Variants in TPPP2 observed in about 807,000 individuals in gnomAD.
TPPP2 encodes tubulin polymerization promoting protein family member 2.
Under a neutral mutation model 13.0 loss-of-function variants are expected in TPPP2, and 8 were observed. That is an observed-to-expected ratio of 0.62 (90% CI 0.36 to 1.11). The LOEUF is 1.11. Ranked by LOEUF, TPPP2 falls within the 50% of genes most tolerant of loss-of-function variation. TPPP2 has a pLI of 0.02. For synonymous variants in TPPP2, 81 were observed against 81.8 expected, an observed-to-expected ratio of 0.99 and a Z score of 0.05; for missense variants, 213 against 216.9, an observed-to-expected ratio of 0.98 and a Z score of 0.11.
At chr14:21,033,155 G>T, downstream of TPPP2, 1 of 375,384 alleles carries the variant, frequency 2.7e-6, no homozygotes, top group South Asian at 2.0e-5. Flanking sequence ...AAAAAGGAAG[G>T]CAGGGTGACT....
chr14:21,026,307 T>A (rs1312139067), upstream of TPPP2, among the ~76,000 whole-genome samples: 4 of 122,952 alleles, frequency 3.3e-5, no homozygotes, highest in Non-Finnish European at 6.8e-5. Flanking sequence ...CCTGCCCCCC[T>A]TGTAGCTCCC....
chr14:21,030,897 G>A, intron 2 of TPPP2, 115 bp from the exon 3 acceptor site: 1 of 1,507,142 alleles, frequency 6.6e-7, no homozygotes. Context: ...TTGTCTTCGA[G>A]ACACTCACTG....
At chr14:21,024,843 G>T in intron 1 of TPPP2, 1 of 985,746 alleles carries the variant, frequency 1.0e-6, no homozygotes, top group Non-Finnish European at 1.2e-6. Context: ...ACAACCTCGC[G>T]CGCACCCCAA....
chr14:21,025,184 C>T lies in TPPP2; in HGVS notation n.236+840C>T. 2 of 891,430 alleles carry T rather than the reference C, an allele frequency of 2.2e-6. No homozygotes were observed. The highest frequency in any genetic ancestry group is 2.7e-6 in the Non-Finnish European group (2 of 743,952). 55.2% of individuals were successfully genotyped at this position (891,430 alleles called of 1,614,324 possible). A position where few individuals can be genotyped will look rare whatever the true frequency, so the allele number is the denominator to read the frequency against. Reference sequence around the variant, plus strand: ...CCCAGACCCCCAGTAAACACGCCCCCCCTTTCACCCCGCCCAGACTGCCGC... The same window carrying T: ...CCCAGACCCCCAGTAAACACGCCCCTCCTTTCACCCCGCCCAGACTGCCGC... On this transcript the variant is annotated intron_variant and non_coding_transcript_variant, in intron 1 of 1. Coordinates refer to the TPPP2 transcript ENST00000533755. The surrounding 1 kb of genome is among the most constrained non-coding windows in gnomAD (Gnocchi z 5.1).
upstream of TPPP2, among the ~76,000 whole-genome samples, chr14:21,026,104 G>T (rs1415829301): frequency 6.6e-6 from 1 of 152,030 alleles, no homozygotes; most frequent in African/African-American, 2.4e-5. Context: ...CGTCCCTCTC[G>T]GTGCCCGAGT....
chr14:21,030,641 C>A lies in TPPP2; in HGVS notation c.60C>A (p.Ser20Arg), dbSNP rs1338367895. 1.9e-6 allele frequency: 3 copies of A among 1,614,034 alleles called. No homozygotes were observed. The change falls in exon 2 of 4, where the codon AGC becomes AGA. Residue 20 changes from serine (S) to arginine (R), a missense_variant. Transcript: ENST00000321760. ...TTGCTGCGTTTGGAGAATCATCAAG[C>A]AGTGGCACTGAAATGAACAACAAGA... Reference protein sequence around the residue: ...HRFAAFGESSSSGTEMNNKNF... With the variant: ...HRFAAFGESSRSGTEMNNKNF...
upstream of TPPP2, among the ~76,000 whole-genome samples, chr14:21,027,410 T>G (rs1162694319): frequency 6.6e-6 from 1 of 152,180 alleles, no homozygotes; most frequent in Non-Finnish European, 1.5e-5. Context: ...CTCTAGACAT[T>G]TGTGATGAGA....
chr14:21,033,428 G>A (rs878929117), downstream of TPPP2: 101 of 294,218 alleles, frequency 3.4e-4, 1 homozygote, highest in South Asian at 3.7e-3. Context: ...GGTGGGGATG[G>A]GGAGGTGAGA....
Position 21,031,896 on chromosome 14 carries a change from C to A in TPPP2, c.332C>A (p.Ala111Glu), listed in dbSNP as rs1406065877. Residue 111 changes from alanine (A) to glutamate (E), a missense_variant, in exon 4 of 4, where the codon GCA (alanine) becomes GAA (glutamate). By Grantham distance (107) the Ala-to-Glu change is moderately radical (BLOSUM62 -1). Transcript: ENST00000321760. ...KDPATTGATK[A>E]TTVGAVDRLT... The stretch of plus-strand genomic sequence containing the variant: ...AAATCCATCCCTGGCTTGCAGAAAG[C>A]AACAACAGTGGGTGCAGTGGACCGT... 1 of 1,613,086 alleles carries A rather than the reference C, an allele frequency of 6.2e-7. No individual in the cohort carries two copies. The highest frequency in any genetic ancestry group is 2.2e-5 in the East Asian group (1 of 44,830).
At chr14:21,030,777 G>T (rs1259333938) in intron 2 of TPPP2, 23 bp downstream of exon 2, 4 of 1,610,718 alleles carry the variant, frequency 2.5e-6, no homozygotes, top group Non-Finnish European at 3.4e-6. Context: ...AAATATGGAG[G>T]TGGGGGTGAG....
At chr14:21,025,780 T>G, upstream of TPPP2, 1 of 717,272 alleles carries the variant, frequency 1.4e-6, no homozygotes, top group Non-Finnish European at 1.6e-6. This position sits in a 1 kb window ranked among gnomAD's most constrained non-coding sequence, Gnocchi z 5.1. Context: ...GGGGCCGCTA[T>G]AAATAGAGGG....
At chr14:21,025,628 C>T (rs1162190642), upstream of TPPP2, 3 of 985,266 alleles carry the variant, frequency 3.0e-6, no homozygotes, top group Non-Finnish European at 3.6e-6. The surrounding 1 kb of genome is among the most constrained non-coding windows in gnomAD (Gnocchi z 5.1). Context: ...CACGGGGGAA[C>T]GTCGAGGGCG....
chr14:21,035,266 A>T (rs573552664), downstream of TPPP2, among the ~76,000 whole-genome samples: 6 of 152,384 alleles, frequency 3.9e-5, no homozygotes, highest in Admixed American at 3.9e-4. Context: ...AAATCTCTGC[A>T]TGCTGACTCT....
At chr14:21,025,524 T>C (rs1334123656), upstream of TPPP2, 2 of 985,206 alleles carry the variant, frequency 2.0e-6, no homozygotes, top group Non-Finnish European at 2.4e-6. This position sits in a 1 kb window ranked among gnomAD's most constrained non-coding sequence, Gnocchi z 5.1. Flanking sequence ...CACAGAGAAC[T>C]AGATTAAGAA....
At chr14:21,027,528 C>G (rs1883775272), upstream of TPPP2, among the ~76,000 whole-genome samples, 1 of 152,214 alleles carries the variant, frequency 6.6e-6, no homozygotes, top group Non-Finnish European at 1.5e-5. Context: ...CCACCCTTCT[C>G]AAGTGGGAGA....
At chr14:21,036,249 C>T (rs1162224117), downstream of TPPP2, 2 of 456,356 alleles carry the variant, frequency 4.4e-6, no homozygotes, top group South Asian at 3.1e-5. Flanking sequence ...AGACTCAACT[C>T]AAATATATCT....
At chr14:21,034,106 G>A (rs1188953007), downstream of TPPP2, 1 of 1,614,172 alleles carries the variant, frequency 6.2e-7, no homozygotes, top group South Asian at 1.1e-5. Flanking sequence ...TTTGCATCTT[G>A]CCTCGCATAT....
chr14:21,024,353 G>A, intron 1 of TPPP2: 4 of 971,738 alleles, frequency 4.1e-6, no homozygotes, highest in Non-Finnish European at 4.9e-6. Context: ...AGGTAAGAGG[G>A]TGGCCCTGTC....
At chr14:21,027,081 G>A (rs151128596), upstream of TPPP2, among the ~76,000 whole-genome samples, 27 of 152,296 alleles carry the variant, frequency 1.8e-4, 1 homozygote, top group East Asian at 5.0e-3. Flanking sequence ...CTGATAAGGG[G>A]CCTACGCAGG....
Sources: allele counts gnomAD v4.1 joint callset (sites outside exome capture counted in the v4.1 genomes callset), GRCh38; gene constraint gnomAD v4.1.1; non-coding constraint Gnocchi (gnomAD v3.1); transcripts MANE v1.5; gene names NCBI Gene and HGNC (gene_info 2026-07-23, HGNC 2026-07-21).